The following EFCAB5 variants were observed in gnomAD, a reference collection of about 807,000 sequenced individuals.
EFCAB5 encodes the protein EF-hand calcium-binding domain-containing protein 5.
A neutral mutation model predicts 167.9 loss-of-function variants in EFCAB5; 131 were observed. That is an observed-to-expected ratio of 0.78 (90% CI 0.68 to 0.90). The LOEUF (loss-of-function observed/expected upper bound fraction) is 0.90. Among genes scored for constraint, EFCAB5 ranks in the 40% least tolerant of loss-of-function variants. The probability of loss-of-function intolerance (pLI) is 0.00; values close to 1 mark genes in which losing one functional copy is unlikely to be tolerated. For missense variants in EFCAB5, 1,663 were observed against 1,745.2 expected (o/e 0.95, Z 0.84); for synonymous variants, 574 against 602.8 (o/e 0.95, Z 0.70).
chr17:29,980,844 C>G (rs1376529109), intron 4 of EFCAB5, among the ~76,000 whole-genome samples: 1 of 152,178 alleles, frequency 6.6e-6, no homozygotes, highest in African/African-American at 2.4e-5. Flanking sequence ...TTGTATGTTT[C>G]ATAAGCACCT....
chr17:30,017,287 G>A lies in EFCAB5; in HGVS notation c.1045-16943G>A, dbSNP rs1274664927. 2.6e-5 allele frequency among the ~76,000 whole-genome samples: 4 copies of A among 152,162 alleles called. No homozygotes were observed. The East Asian group carries it at 7.7e-4, about 29-fold the overall frequency. On this transcript the variant is annotated intron_variant, in intron 7 of 22. Transcript: ENST00000394835. ...CCCAGAATTAAATCTTGTTACTTTG[G>A]CATATTTTTCTAAGGAAAATTATTC...
intron 14 of EFCAB5, among the ~76,000 whole-genome samples, chr17:30,071,135 C>A (rs1490821856): frequency 1.3e-5 from 2 of 149,974 alleles, no homozygotes; most frequent in African/African-American, 4.9e-5. Flanking sequence ...ATTAGACAAG[C>A]GGGATTCTAT....
chr17:29,938,312 T>TA (rs59835752), upstream of EFCAB5, among the ~76,000 whole-genome samples: 57,718 of 152,112 alleles, frequency 0.38, 13,225 homozygotes, highest in East Asian at 0.68. Context: ...ACTTTTTTGC[T>TA]AAAAAATGCT....
At chr17:30,097,056 ATATATTTT>A (rs1437928128) in intron 22 of EFCAB5, among the ~76,000 whole-genome samples, 1 of 100,592 alleles carries the variant, frequency 9.9e-6, no homozygotes, top group African/African-American at 4.8e-5. Flanking sequence ...ATACATATAT[ATATATTTT>A]TTTTTTTTTG....
intron 19 of EFCAB5, among the ~76,000 whole-genome samples, chr17:30,088,769 T>C (rs749001922): frequency 6.6e-6 from 1 of 152,214 alleles, no homozygotes; most frequent in Non-Finnish European, 1.5e-5. Flanking sequence ...CCCAGACCAG[T>C]AGGCTAACTC....
chr17:30,068,861 A>C (rs2070651763), intron 14 of EFCAB5: 1 of 1,438,904 alleles, frequency 6.9e-7, no homozygotes. Context: ...ATTAATGCTT[A>C]TAGCCATACC....
Position 30,108,091 on chromosome 17 carries a change from A to G in EFCAB5, c.*67A>G. 1 of 1,492,688 alleles carries G rather than the reference A, an allele frequency of 6.7e-7. No homozygotes were observed. Among genetic ancestry groups the G allele is most frequent in the Non-Finnish European group, 9.0e-7 (1 of 1,115,316 alleles). The allele number at this position is 1,492,688 out of a possible 1,614,324, so 92.5% of individuals were successfully genotyped here. A position where few individuals can be genotyped will look rare whatever the true frequency, so the allele number is the denominator to read the frequency against. On this transcript the variant is annotated 3_prime_UTR_variant, in exon 23 of 23. Coordinates refer to ENST00000394835, the MANE Select transcript of EFCAB5 (RefSeq NM_198529.4). The stretch of plus-strand genomic sequence containing the variant: ...TGTTTGTTATCAGTTTTGTTTGTTA[A>G]CTATAAAATATTTTCCATTGGAAAG...
intron 1 of EFCAB5, among the ~76,000 whole-genome samples, chr17:29,930,670 AC>A (rs1466929983): frequency 1.3e-5 from 2 of 149,054 alleles, no homozygotes; most frequent in African/African-American, 4.9e-5. Context: ...TACTCCCTTC[AC>A]CCCGGCTCTC....
At chr17:30,083,136 T>C in intron 18 of EFCAB5, 93 bp downstream of exon 18, 1 of 1,424,180 alleles carries the variant, frequency 7.0e-7, no homozygotes, top group Non-Finnish European at 9.4e-7. Context: ...ATTAATTAGC[T>C]ATTAGTCTAA....
At chr17:29,967,723 G>T (rs999514741) in intron 3 of EFCAB5, among the ~76,000 whole-genome samples, 2 of 152,094 alleles carry the variant, frequency 1.3e-5, no homozygotes, top group Non-Finnish European at 2.9e-5. Flanking sequence ...TTTGGTAGGG[G>T]AGGGGATATA....
chr17:29,968,700 A>C, intron 3 of EFCAB5, 91 bp from the exon 4 acceptor site: 1 of 1,035,676 alleles, frequency 9.7e-7, no homozygotes, highest in Non-Finnish European at 1.3e-6. Flanking sequence ...GTGTAAATGG[A>C]TATAAAAATT....
chr17:29,934,843 C>T (rs1041173453), intron 1 of EFCAB5, among the ~76,000 whole-genome samples: 1 of 152,126 alleles, frequency 6.6e-6, no homozygotes, highest in Non-Finnish European at 1.5e-5. Context: ...TGCTTCTTGC[C>T]AGGAGTGAAT....
chr17:29,983,591 T>TA (rs2068221486), intron 4 of EFCAB5, among the ~76,000 whole-genome samples: 1 of 152,218 alleles, frequency 6.6e-6, no homozygotes, highest in South Asian at 2.1e-4. Flanking sequence ...CCAGTCCCCT[T>TA]ACACTTAGAA....
intron 3 of EFCAB5, among the ~76,000 whole-genome samples, chr17:29,966,531 T>C (rs1159343399): frequency 6.6e-6 from 1 of 152,166 alleles, no homozygotes; most frequent in Non-Finnish European, 1.5e-5. Context: ...TCCCAGCTAC[T>C]TGGGAGGCTG....
chr17:30,034,210 C>T lies in EFCAB5; in HGVS notation c.1045-20C>T, dbSNP rs1229104405. The T allele has an allele frequency of 6.2e-7, 1 of 1,610,752 alleles. No homozygotes were observed. Among genetic ancestry groups the T allele is most frequent in the East Asian group, 2.2e-5 (1 of 44,760 alleles). ...CATGGTTTTAAGTCAATCGTTTATC[C>T]TCTTTTTTTTCCCCTGTAGTACATC... On this transcript the variant is annotated intron_variant, in intron 7 of 22. Transcript: ENST00000394835.
At chr17:30,018,369 C>T (rs113045115) in intron 7 of EFCAB5, among the ~76,000 whole-genome samples, 5 of 152,098 alleles carry the variant, frequency 3.3e-5, no homozygotes, top group South Asian at 2.1e-4. Flanking sequence ...GAAGTTCATC[C>T]TCAAAGTTAA....
Position 30,078,331 on chromosome 17 carries a change from C to T in EFCAB5, c.2854C>T (p.Gln952Ter), listed in dbSNP as rs73274829. 7.1e-4 allele frequency: 1,143 copies of T among 1,613,882 alleles called. 9 individuals are homozygous for T. The African/African-American group carries it at 0.011, about 16-fold the overall frequency. The change falls in exon 15 of 23, where the codon CAA (glutamine) becomes TAA (stop). Residue 952 changes from glutamine (Q) to a stop codon, truncating the protein, a stop_gained. Coordinates refer to ENST00000394835, the MANE Select transcript of EFCAB5 (RefSeq NM_198529.4). LOFTEE classifies it high-confidence loss of function. The part of the protein sequence containing the change: ...VVSELRGNED[Q>*]VLESVVEFLM... ...GTCTGAACTCAGGGGCAATGAAGACCAAGTTCTGGAAAGTGTTGTGGAATT... is the reference window on the plus strand; with the variant it reads ...GTCTGAACTCAGGGGCAATGAAGACTAAGTTCTGGAAAGTGTTGTGGAATT...
chr17:30,071,144 A>G (rs867963949), intron 14 of EFCAB5, among the ~76,000 whole-genome samples: 9 of 150,532 alleles, frequency 6.0e-5, no homozygotes, highest in South Asian at 4.2e-4. Flanking sequence ...GCGGGATTCT[A>G]TCAAACTTTT....
At chr17:29,959,089 A>T (rs1214617473) in intron 3 of EFCAB5, among the ~76,000 whole-genome samples, 1 of 152,214 alleles carries the variant, frequency 6.6e-6, no homozygotes, top group East Asian at 1.9e-4. Context: ...GGACTGTGCC[A>T]GGTCCAACCT....
Sources: allele counts gnomAD v4.1 joint callset (sites outside exome capture counted in the v4.1 genomes callset), GRCh38; gene constraint gnomAD v4.1.1; transcripts MANE v1.5; gene names NCBI Gene and HGNC (gene_info 2026-07-23, HGNC 2026-07-21).